The following MYO5A variants were observed in gnomAD, a reference collection of about 807,000 sequenced individuals.
The protein encoded by MYO5A is unconventional myosin-Va.
MYO5A carries 98 observed loss-of-function variants against 249.7 expected under a neutral mutation model. The observed-to-expected ratio is 0.39, with a 90% CI of 0.33 to 0.46. MYO5A has a LOEUF of 0.46. MYO5A is among the 20% of genes least tolerant of loss of function. The pLI is 0.98. For missense variants in MYO5A, 1,696 were observed against 2,308.8 expected (o/e 0.73, Z 5.44); for synonymous variants, 778 against 810.6 (o/e 0.96, Z 0.68).
rs780153172 is a variant in MYO5A at position 52,331,946 on chromosome 15, G to C, written c.4409-1447C>G. ...TGAAAGCCACGGGACTAACTCTAAAGTATATTCTTCCATGCAAGAGAAAAG... is the reference window on the plus strand; with the variant it reads ...TGAAAGCCACGGGACTAACTCTAAACTATATTCTTCCATGCAAGAGAAAAG... On this transcript the variant is annotated intron_variant, in intron 34 of 41. Coordinates refer to ENST00000399233, the MANE Select transcript of MYO5A (RefSeq NM_001382347.1). 77 of 823,534 alleles carry C rather than the reference G, an allele frequency of 9.3e-5. 1 individual carries two copies. The highest frequency in any genetic ancestry group is 1.2e-3 in the Middle Eastern group (2 of 1,630). The allele number at this position is 823,534 out of a possible 1,614,324, so 51.0% of individuals were successfully genotyped here.
chr15:52,400,065 G>A (rs543072662), intron 9 of MYO5A, among the ~76,000 whole-genome samples: 98 of 152,038 alleles, frequency 6.4e-4, no homozygotes, highest in African/African-American at 2.3e-3. Flanking sequence ...TCTTTTAGCT[G>A]GAGCACTTGG....
intron 16 of MYO5A, among the ~76,000 whole-genome samples, chr15:52,382,627 A>G (rs903748625): frequency 3.3e-5 from 5 of 152,156 alleles, no homozygotes; most frequent in African/African-American, 1.2e-4. Context: ...TGTAAAAAAA[A>G]CTCCAGAAAA....
intron 1 of MYO5A, among the ~76,000 whole-genome samples, chr15:52,454,396 C>T (rs1430187008): frequency 1.3e-5 from 2 of 152,032 alleles, no homozygotes; most frequent in Non-Finnish European, 2.9e-5. Flanking sequence ...GAGAGGGATA[C>T]ACTGTAATAA....
chr15:52,489,317 C>A (rs1385602633), intron 1 of MYO5A, among the ~76,000 whole-genome samples: 1 of 152,208 alleles, frequency 6.6e-6, no homozygotes, highest in Non-Finnish European at 1.5e-5. Flanking sequence ...GTAATCCCAG[C>A]ACTTTGGGAG....
rs1174976000 is a variant in MYO5A at position 52,396,397 on chromosome 15, T to A, written c.1320A>T (p.Gly440=). 1 of 1,530,962 alleles carries A rather than the reference T, an allele frequency of 6.5e-7. No individual in the cohort carries two copies. The highest frequency in any genetic ancestry group is 1.1e-5 in the South Asian group (1 of 87,044). The allele number at this position is 1,530,962 out of a possible 1,614,324, so 94.8% of individuals were successfully genotyped here. A position where few individuals can be genotyped will look rare whatever the true frequency, so the allele number is the denominator to read the frequency against. Residue 440 remains glycine (G), a splice_region_variant and synonymous_variant, in exon 11 of 42, where the codon GGA becomes GGT. Coordinates refer to ENST00000399233, the MANE Select transcript of MYO5A (RefSeq NM_001382347.1). ...HSFIGVLDIY[G]FETFEINSFE... is the part of the protein sequence containing the mutation. ...AACTATTTATCTCAAATGTTTCAAATCTGTAACCACAAAAATAATATGAAA... is the reference window on the plus strand; with the variant it reads ...AACTATTTATCTCAAATGTTTCAAAACTGTAACCACAAAAATAATATGAAA...
intron 1 of MYO5A, among the ~76,000 whole-genome samples, chr15:52,435,335 G>C (rs988679738): frequency 1.1e-4 from 16 of 142,522 alleles, no homozygotes; most frequent in African/African-American, 3.1e-4. Context: ...GGAGTGCAGT[G>C]GCACGATCTC....
chr15:52,480,448 C>T (rs2076691813), intron 1 of MYO5A, among the ~76,000 whole-genome samples: 1 of 152,170 alleles, frequency 6.6e-6, no homozygotes, highest in Non-Finnish European at 1.5e-5. Context: ...TCCAAACACC[C>T]CATTTCCAAG....
chr15:52,439,991 C>A (rs2075751355), intron 1 of MYO5A, among the ~76,000 whole-genome samples: 1 of 152,224 alleles, frequency 6.6e-6, no homozygotes, highest in East Asian at 1.9e-4. Flanking sequence ...AATGCTAGCA[C>A]AGATTTAACC....
chr15:52,459,365 A>G (rs140822906), intron 1 of MYO5A, among the ~76,000 whole-genome samples: 3,143 of 151,716 alleles, frequency 0.021, 42 homozygotes, highest in Non-Finnish European at 0.03. Flanking sequence ...GGGAGTGGTG[A>G]TGACTCTTAA....
intron 1 of MYO5A, among the ~76,000 whole-genome samples, chr15:52,448,693 C>T (rs1567136372): frequency 1.3e-5 from 2 of 152,012 alleles, no homozygotes; most frequent in South Asian, 4.1e-4. Flanking sequence ...GGGAGGATTT[C>T]TCCTTTAGTG....
chr15:52,424,376 A>C (rs2075351090), intron 4 of MYO5A, among the ~76,000 whole-genome samples: 1 of 152,216 alleles, frequency 6.6e-6, no homozygotes, highest in Non-Finnish European at 1.5e-5. Context: ...GAAAAGTTAC[A>C]CAACTTCTCT....
chr15:52,465,807 G>C (rs1010954552), intron 1 of MYO5A, among the ~76,000 whole-genome samples: 1 of 152,086 alleles, frequency 6.6e-6, no homozygotes, highest in Non-Finnish European at 1.5e-5. Flanking sequence ...AACCAAAATA[G>C]TGTGTAGACA....
At chr15:52,379,378 A>G (rs1353165226) in intron 18 of MYO5A, among the ~76,000 whole-genome samples, 1 of 152,182 alleles carries the variant, frequency 6.6e-6, no homozygotes, top group Non-Finnish European at 1.5e-5. Flanking sequence ...CACTTTTATC[A>G]ATAATAATCA....
At chr15:52,476,825 A>G (rs2076605241) in intron 1 of MYO5A, among the ~76,000 whole-genome samples, 1 of 151,798 alleles carries the variant, frequency 6.6e-6, no homozygotes, top group East Asian at 1.9e-4. Flanking sequence ...TGCCCTTAAC[A>G]TTTTTTCCTT....
In MYO5A at chr15:52,312,020, T is replaced by C. The variant is rs2140901718; in HGVS notation, c.*1676A>G. On this transcript the variant is annotated 3_prime_UTR_variant, in exon 42 of 42. Transcript: ENST00000399233. ...AGAGTTTCTAATGAAAACTAATAAT[T>C]TGCTTTTGTGCAACCTGAAGGATTT... 6.5e-6 allele frequency: 1 copy of C among 152,708 alleles called. No homozygotes were observed. Among genetic ancestry groups the C allele is most frequent in the African/African-American group, 2.4e-5 (1 of 41,568 alleles). 9.5% of individuals were successfully genotyped at this position (152,708 alleles called of 1,614,324 possible). A position where few individuals can be genotyped will look rare whatever the true frequency, so the allele number is the denominator to read the frequency against.
chr15:52,489,574 A>C lies in MYO5A; in HGVS notation c.27+39206T>G, dbSNP rs897367897. On this transcript the variant is annotated intron_variant, in intron 1 of 41. Coordinates refer to ENST00000399233, the MANE Select transcript of MYO5A (RefSeq NM_001382347.1). ...CAAGACTTTGTCTAAAAAAAAAAAA[A>C]AAAACCAACCTCTGTGCATCAAAGG... Among the ~76,000 whole-genome samples, 5 of 152,262 alleles carry C rather than the reference A, an allele frequency of 3.3e-5. No homozygotes were observed. The East Asian group carries it at 7.7e-4, about 23-fold the overall frequency.
In MYO5A at chr15:52,384,250, G is replaced by C. The variant is rs192993048; in HGVS notation, c.1825C>G (p.Arg609Gly). ...GCAGGAGTTCGTGTGAGGGGTGTGCGCCCTGAGGAGGTGGCTGAAGTTGGA... is the reference window on the plus strand; with the variant it reads ...GCAGGAGTTCGTGTGAGGGGTGTGCCCCCTGAGGAGGTGGCTGAAGTTGGA... ...ISPTSATSSG[R>G]TPLTRTPAKP... Residue 609 changes from arginine to glycine, a missense_variant, in exon 15 of 42, where the codon CGC (arginine) becomes GGC (glycine). By Grantham distance (125) the Arg-to-Gly change is moderately radical. Transcript: ENST00000399233. The C allele has an allele frequency of 6.2e-7, 1 of 1,614,048 alleles. No homozygotes were observed. The highest frequency in any genetic ancestry group is 8.5e-7 in the Non-Finnish European group (1 of 1,180,004).
chr15:52,319,113 G>A lies in MYO5A; in HGVS notation c.5181C>T (p.Asn1727=). 6.2e-7 allele frequency: 1 copy of A among 1,614,242 alleles called. No individual in the cohort carries two copies. Among genetic ancestry groups the A allele is most frequent in the South Asian group, 1.1e-5 (1 of 91,086 alleles). The change falls in exon 39 of 42, where the codon AAC becomes AAT. Residue 1727 remains asparagine (N), a synonymous_variant. Transcript: ENST00000399233. ...MFYIIGAITL[N]NLLLRKDMCS... is the part of the protein sequence containing the mutation. ...ACATGTCCTTCCGCAGGAGAAGGTT[G>A]TTCAGGGTGATGGCCCCTATGATGT...
chr15:52,445,706 G>A, intron 1 of MYO5A, among the ~76,000 whole-genome samples: 1 of 152,222 alleles, frequency 6.6e-6, no homozygotes, highest in East Asian at 1.9e-4. Context: ...AGACGGAAAT[G>A]TGGAACTTAG....
Sources: allele counts gnomAD v4.1 joint callset (sites outside exome capture counted in the v4.1 genomes callset), GRCh38; gene constraint gnomAD v4.1.1; transcripts MANE v1.5; gene names NCBI Gene and HGNC (gene_info 2026-07-23, HGNC 2026-07-21).